RANBP3L: variants seen among roughly 807,000 people sequenced by gnomAD.
RANBP3L encodes ran-binding protein 3-like.
RANBP3L carries 56 observed loss-of-function variants against 67.2 expected under a neutral mutation model. The observed-to-expected ratio is 0.83, with a 90% confidence interval of 0.67 to 1.04. The LOEUF is 1.04. Among genes scored for constraint, RANBP3L ranks in the 50% least tolerant of loss-of-function variants. The pLI is 0.00. For missense variants in RANBP3L, 496 were observed against 535.5 expected (o/e 0.93, Z 0.73); for synonymous variants, 164 against 181.4 (o/e 0.90, Z 0.77).
chr5:36,276,237 G>T (rs536024567), intron 1 of RANBP3L, among the ~76,000 whole-genome samples: 17 of 152,246 alleles, frequency 1.1e-4, no homozygotes, highest in African/African-American at 4.1e-4. Context: ...AAAGACATTT[G>T]CTTTAGTTCT....
chr5:36,295,974 G>T (rs1028226589), intron 1 of RANBP3L, among the ~76,000 whole-genome samples: 3 of 152,022 alleles, frequency 2.0e-5, no homozygotes, highest in African/African-American at 4.8e-5. Flanking sequence ...AATCAATCAT[G>T]CCTACATAAT....
chr5:36,251,346 C>G lies in RANBP3L; in HGVS notation c.1321G>C (p.Asp441His). 1 of 1,613,090 alleles carries G rather than the reference C, an allele frequency of 6.2e-7. No homozygotes were observed. The highest frequency in any genetic ancestry group is 8.5e-7 in the Non-Finnish European group (1 of 1,179,400). ...LNCESCDENE[D>H]DFIQVTKNGS... Reference sequence around the variant, plus strand: ...TTTTTAGTGACTTGGATGAAATCATCCTCATTCTCATCACAGCTTTCGCAG... The same window carrying G: ...TTTTTAGTGACTTGGATGAAATCATGCTCATTCTCATCACAGCTTTCGCAG... The change falls in exon 13 of 14, where the codon GAT (aspartate) becomes CAT (histidine). Residue 441 changes from aspartate to histidine, a missense_variant. Physicochemically the swap from Asp to His is moderately conservative, Grantham distance 81. Transcript: ENST00000296604.
intron 11 of RANBP3L, among the ~76,000 whole-genome samples, chr5:36,254,041 T>A (rs1348895133): frequency 2.0e-5 from 3 of 152,244 alleles, no homozygotes; most frequent in South Asian, 2.1e-4. Context: ...AGAACTCCTT[T>A]TAAGAACTGA....
chr5:36,267,672 G>A (rs1382228974), intron 4 of RANBP3L, among the ~76,000 whole-genome samples: 1 of 152,090 alleles, frequency 6.6e-6, no homozygotes, highest in East Asian at 1.9e-4. Flanking sequence ...TGAGAATAGA[G>A]ATCATTTTAA....
At chr5:36,292,895 G>T (rs1194329907) in intron 1 of RANBP3L, among the ~76,000 whole-genome samples, 1 of 151,254 alleles carries the variant, frequency 6.6e-6, no homozygotes, top group Non-Finnish European at 1.5e-5. Context: ...CTCTTTTTTG[G>T]TTCCATATGA....
At chr5:36,277,248 A>G (rs896422476) in intron 1 of RANBP3L, among the ~76,000 whole-genome samples, 3 of 151,592 alleles carry the variant, frequency 2.0e-5, no homozygotes, top group Admixed American at 6.6e-5. Context: ...TCTCACCCCA[A>G]TCTCCAGGAC....
chr5:36,265,052 C>A lies in RANBP3L; in HGVS notation c.387G>T (p.Gln129His). ...SKHVIRPAIL[Q>H]LPQARSCAKV... is the part of the protein sequence containing the mutation. ...TTGCACAACTTCGAGCTTGAGGTAG[C>A]TGCAAAATAGCAGGTCTAATAACAT... The change falls in exon 6 of 14, where the codon CAG becomes CAT. Residue 129 changes from glutamine (Q) to histidine (H), a missense_variant. Transcript: ENST00000296604. 1 of 1,612,504 alleles carries A rather than the reference C, an allele frequency of 6.2e-7. No homozygotes were observed. The highest frequency in any genetic ancestry group is 1.1e-5 in the South Asian group (1 of 90,994).
chr5:36,250,270 A>G (rs548909078), intron 13 of RANBP3L, among the ~76,000 whole-genome samples: 178 of 152,006 alleles, frequency 1.2e-3, no homozygotes, highest in African/African-American at 4.1e-3. Context: ...TTTTTATTTT[A>G]TATGTTTTAA....
chr5:36,278,053 T>TCCCA (rs1750721159), intron 1 of RANBP3L, among the ~76,000 whole-genome samples: 2 of 152,056 alleles, frequency 1.3e-5, no homozygotes, highest in Non-Finnish European at 2.9e-5. Flanking sequence ...ACTGGGTCCC[T>TCCCA]CCCACAACAC....
At chr5:36,292,871 CTTGGCGATGCGGGCTCTTTT>C (rs1751904291) in intron 1 of RANBP3L, among the ~76,000 whole-genome samples, 1 of 152,042 alleles carries the variant, frequency 6.6e-6, no homozygotes, top group African/African-American at 2.4e-5. Context: ...TTAGGATTGA[CTTGGCGATGCGGGCTCTTTT>C]TTGGTTCCAT....
At chr5:36,298,502 T>G (rs1579805524) in intron 1 of RANBP3L, among the ~76,000 whole-genome samples, 1 of 152,162 alleles carries the variant, frequency 6.6e-6, no homozygotes, top group Non-Finnish European at 1.5e-5. Context: ...CAAATGGCTT[T>G]GCTTCCTGGG....
chr5:36,284,880 T>C (rs1486406976), intron 1 of RANBP3L, among the ~76,000 whole-genome samples: 1 of 152,226 alleles, frequency 6.6e-6, no homozygotes, highest in Non-Finnish European at 1.5e-5. Context: ...AGTGATTTAA[T>C]AGCAACCTAT....
At chr5:36,293,172 G>T (rs1751931649) in intron 1 of RANBP3L, among the ~76,000 whole-genome samples, 1 of 77,576 alleles carries the variant, frequency 1.3e-5, no homozygotes, top group South Asian at 6.1e-4. Context: ...AATTGTGAAT[G>T]GGAGTTCACT....
intron 7 of RANBP3L, among the ~76,000 whole-genome samples, chr5:36,261,375 C>G (rs1749375113): frequency 6.6e-6 from 1 of 152,140 alleles, no homozygotes; most frequent in South Asian, 2.1e-4. Context: ...TCTTTGTAGA[C>G]AGATGTGCTC....
intron 9 of RANBP3L, 131 bp from the exon 10 acceptor site, chr5:36,257,202 G>T (rs1749046287): frequency 3.9e-6 from 3 of 762,694 alleles, no homozygotes; most frequent in Non-Finnish European, 5.9e-6. Flanking sequence ...AATTCAGACT[G>T]CTTGAGTTGG....
At chr5:36,263,923 A>G (rs1207859192) in intron 6 of RANBP3L, among the ~76,000 whole-genome samples, 4 of 152,256 alleles carry the variant, frequency 2.6e-5, no homozygotes, top group African/African-American at 4.8e-5. Flanking sequence ...TCTAAAATTG[A>G]AGACATGTTT....
chr5:36,268,325 A>C, intron 4 of RANBP3L: 1 of 1,287,444 alleles, frequency 7.8e-7, no homozygotes, highest in Non-Finnish European at 1.0e-6. Flanking sequence ...TTTTGTTTTC[A>C]TTTGGAGTTT....
In RANBP3L at chr5:36,246,945, A is replaced by G. The variant is rs1046472438; in HGVS notation, c.*2709T>C. 1.2e-4 allele frequency among the ~76,000 whole-genome samples: 19 copies of G among 152,322 alleles called. 1 individual carries two copies. Among genetic ancestry groups the G allele is most frequent in the African/African-American group, 3.8e-4 (16 of 41,566 alleles). On this transcript the variant is annotated 3_prime_UTR_variant, in exon 14 of 14. Coordinates refer to ENST00000296604, the MANE Select transcript of RANBP3L (RefSeq NM_145000.5). ...AGAGAGAACATTTTAATTGTCTATA[A>G]TTAGGGTAAACAGTTGGGTAAAATC...
chr5:36,269,300 T>G (rs1750038559), intron 4 of RANBP3L, 90 bp downstream of exon 4: 1 of 799,444 alleles, frequency 1.3e-6, no homozygotes, highest in East Asian at 2.4e-5. Context: ...CTGGCAAGCT[T>G]TTAACATTAC....
Sources: gnomAD v4.1 joint callset for allele counts (sites outside exome capture counted in the v4.1 genomes callset) on GRCh38, gnomAD v4.1.1 for gene constraint, MANE v1.5 for transcripts, NCBI Gene and HGNC (gene_info 2026-07-23, HGNC 2026-07-21) for gene names.